The following GALNTL6 variants were observed in gnomAD, a reference collection of about 807,000 sequenced individuals.
GALNTL6 encodes polypeptide N-acetylgalactosaminyltransferase-like 6.
A neutral mutation model predicts 73.7 loss-of-function variants in GALNTL6; 46 were observed. That is an observed-to-expected ratio of 0.62 (90% CI 0.49 to 0.80). The LOEUF is 0.80. Among genes scored for constraint, GALNTL6 ranks in the 30% least tolerant of loss-of-function variants. The probability of loss-of-function intolerance (pLI) is 0.00; values close to 1 mark genes in which losing one functional copy is unlikely to be tolerated. For missense variants in GALNTL6, 604 were observed against 755.0 expected (o/e 0.80, Z 2.34); for synonymous variants, 259 against 263.7 (o/e 0.98, Z 0.17).
At chr4:171,818,579 A>G (rs1469697659) in intron 2 of GALNTL6, among the ~76,000 whole-genome samples, 1 of 151,216 alleles carries the variant, frequency 6.6e-6, no homozygotes, top group South Asian at 2.1e-4. Flanking sequence ...CCACATTAAA[A>G]AAAAAAAAAA....
In GALNTL6 at chr4:172,515,593, G is replaced by C. The variant is rs543561055; in HGVS notation, c.553+166904G>C. ...ATCAATCCCCATGTGAAGTAGTGCA[G>C]GAAAGAGGATTGAACACTGGGTGTG... On this transcript the variant is annotated intron_variant, in intron 5 of 12. Transcript: ENST00000506823. Among the ~76,000 whole-genome samples, 347 of 152,358 alleles carry C rather than the reference G, an allele frequency of 2.3e-3. 3 individuals carry two copies. The highest frequency in any genetic ancestry group is 6.8e-3 in the Middle Eastern group (2 of 294).
intron 2 of GALNTL6, among the ~76,000 whole-genome samples, chr4:172,168,270 G>GTTTGT (rs200854509): frequency 5.1e-4 from 77 of 151,984 alleles, no homozygotes; most frequent in African/African-American, 1.1e-3. Context: ...AAAGTTTTTT[G>GTTTGT]TTTGTTTTGT....
chr4:172,682,915 G>A (rs576951446), intron 5 of GALNTL6, among the ~76,000 whole-genome samples: 60 of 51,312 alleles, frequency 1.2e-3, no homozygotes, highest in African/African-American at 3.6e-3. Context: ...AGAGGTTTAC[G>A]TTTATTATAT....
At chr4:172,626,900 A>G (rs1739192139) in intron 5 of GALNTL6, among the ~76,000 whole-genome samples, 1 of 152,118 alleles carries the variant, frequency 6.6e-6, no homozygotes, top group Non-Finnish European at 1.5e-5. Flanking sequence ...TTTTGGCAGT[A>G]TCATTAGAGC....
At chr4:171,946,736 A>C (rs1384798424) in intron 2 of GALNTL6, among the ~76,000 whole-genome samples, 1 of 152,172 alleles carries the variant, frequency 6.6e-6, no homozygotes, top group Non-Finnish European at 1.5e-5. Context: ...ACACTTGTGA[A>C]GAGTCATGAG....
chr4:172,027,702 C>T (rs1384183813), intron 2 of GALNTL6, among the ~76,000 whole-genome samples: 1 of 152,034 alleles, frequency 6.6e-6, no homozygotes, highest in African/African-American at 2.4e-5. Context: ...CAAGATGGGC[C>T]AAAAGCTAGG....
rs1579475718 is a variant in GALNTL6 at position 171,813,983 on chromosome 4, G to C, written c.-177G>C. 1 of 152,294 alleles carries C rather than the reference G, an allele frequency of 6.6e-6. No individual in the cohort carries two copies. The highest frequency in any genetic ancestry group is 1.5e-5 in the Non-Finnish European group (1 of 68,124). The allele number at this position is 152,294 out of a possible 1,614,324, so 9.4% of individuals were successfully genotyped here. A position where few individuals can be genotyped will look rare whatever the true frequency, so the allele number is the denominator to read the frequency against. ...GCTGGCTCCGGAGGGAGTTGAACTT[G>C]AGTTCAGGTGGGTTATCCCAAGGGG... On this transcript the variant is annotated 5_prime_UTR_variant, in exon 1 of 13. Transcript: ENST00000506823. The surrounding 1 kb of genome is among the most constrained non-coding windows in gnomAD (Gnocchi z 5.2).
At chr4:172,520,754 C>T (rs1734751338) in intron 5 of GALNTL6, among the ~76,000 whole-genome samples, 1 of 151,970 alleles carries the variant, frequency 6.6e-6, no homozygotes, top group Admixed American at 6.6e-5. Flanking sequence ...GAAAACTCAA[C>T]TAACATATTC....
At chr4:171,923,685 T>C (rs964641422) in intron 2 of GALNTL6, among the ~76,000 whole-genome samples, 3 of 151,220 alleles carry the variant, frequency 2.0e-5, no homozygotes, top group Non-Finnish European at 2.9e-5. Context: ...GGATTACAGG[T>C]GTGGACCCTG....
At chr4:172,982,249 C>A (rs561691742) in intron 10 of GALNTL6, among the ~76,000 whole-genome samples, 1 of 152,226 alleles carries the variant, frequency 6.6e-6, no homozygotes, top group Non-Finnish European at 1.5e-5. Flanking sequence ...CCAAATGCAG[C>A]TCAGCAGGCT....
At chr4:172,700,979 G>A (rs750835842) in intron 5 of GALNTL6, among the ~76,000 whole-genome samples, 2 of 152,054 alleles carry the variant, frequency 1.3e-5, no homozygotes, top group Non-Finnish European at 2.9e-5. Flanking sequence ...GAAGCTTAAG[G>A]AGCCTGAGGC....
intron 2 of GALNTL6, among the ~76,000 whole-genome samples, chr4:171,877,978 T>G (rs1397074113): frequency 6.6e-6 from 1 of 152,238 alleles, no homozygotes; most frequent in African/African-American, 2.4e-5. Flanking sequence ...TCATTTTGTA[T>G]TTATGTAATA....
chr4:172,831,359 G>A (rs766635524), intron 7 of GALNTL6, among the ~76,000 whole-genome samples: 3 of 152,088 alleles, frequency 2.0e-5, no homozygotes, highest in East Asian at 1.9e-4. Flanking sequence ...ATAAACACCC[G>A]CAACACACCA....
At chr4:171,906,779 C>T (rs1393756570) in intron 2 of GALNTL6, among the ~76,000 whole-genome samples, 1 of 152,122 alleles carries the variant, frequency 6.6e-6, no homozygotes, top group Non-Finnish European at 1.5e-5. Flanking sequence ...AGCAGCACAT[C>T]AAAAAGCTTA....
intron 12 of GALNTL6, among the ~76,000 whole-genome samples, chr4:173,033,225 C>T (rs922763264): frequency 6.6e-6 from 1 of 152,032 alleles, no homozygotes; most frequent in African/African-American, 2.4e-5. Flanking sequence ...TGGTCTCAAA[C>T]TCCTGGACCT....
At chr4:172,757,836 T>G (rs1030118942) in intron 5 of GALNTL6, among the ~76,000 whole-genome samples, 6 of 152,224 alleles carry the variant, frequency 3.9e-5, no homozygotes, top group Admixed American at 6.5e-5. Context: ...ATCTTGTCAT[T>G]GTGATTTATA....
intron 5 of GALNTL6, among the ~76,000 whole-genome samples, chr4:172,620,831 T>C (rs1041733165): frequency 1.3e-5 from 2 of 152,196 alleles, no homozygotes; most frequent in African/African-American, 4.8e-5. Context: ...TCAAGGTATT[T>C]TCCACAGTCC....
chr4:173,032,021 T>C (rs1420687043), intron 12 of GALNTL6, among the ~76,000 whole-genome samples: 3 of 152,282 alleles, frequency 2.0e-5, no homozygotes, highest in Non-Finnish European at 4.4e-5. Context: ...GACATCTGGA[T>C]CAACTTGTGC....
intron 2 of GALNTL6, among the ~76,000 whole-genome samples, chr4:172,089,463 G>A (rs1463352980): frequency 6.6e-6 from 1 of 152,032 alleles, no homozygotes; most frequent in Non-Finnish European, 1.5e-5. Context: ...CAGTTTGCAG[G>A]GCTTTAGGAA....
Sources: allele counts gnomAD v4.1 joint callset (sites outside exome capture counted in the v4.1 genomes callset), GRCh38; gene constraint gnomAD v4.1.1; non-coding constraint Gnocchi (gnomAD v3.1); transcripts MANE v1.5; gene names NCBI Gene and HGNC (gene_info 2026-07-23, HGNC 2026-07-21).